The following NDUFA12 variants were observed in gnomAD, a reference collection of about 807,000 sequenced individuals.
The protein encoded by NDUFA12 is NADH:ubiquinone oxidoreductase subunit A12, also known as NADH dehydrogenase [ubiquinone] 1 alpha subcomplex subunit 12.
NDUFA12 carries 17 observed loss-of-function variants against 20.3 expected under a neutral mutation model. The ratio of observed to expected loss-of-function variants is 0.84; its 90% CI spans 0.57 to 1.26. NDUFA12 has a LOEUF of 1.26. NDUFA12 is among the 50% of genes most tolerant of loss of function. The probability of loss-of-function intolerance (pLI) is 0.00; values close to 1 mark genes in which losing one functional copy is unlikely to be tolerated. For missense variants in NDUFA12, 191 were observed against 183.7 expected, an observed-to-expected ratio of 1.04 and a Z score of -0.23; for synonymous variants, 72 against 63.6, an observed-to-expected ratio of 1.13 and a Z score of -0.63.
intron 2 of NDUFA12, among the ~76,000 whole-genome samples, chr12:94,996,201 G>A (rs117758434): frequency 6.6e-6 from 1 of 152,090 alleles, no homozygotes; most frequent in Non-Finnish European, 1.5e-5. Flanking sequence ...GAGAGACCCT[G>A]TCTCGAAATA....
chr12:94,985,577 A>T (rs567929766), intron 3 of NDUFA12, among the ~76,000 whole-genome samples: 3 of 143,236 alleles, frequency 2.1e-5, no homozygotes, highest in Non-Finnish European at 4.6e-5. Flanking sequence ...CAGTGAGCTG[A>T]GATCACGCCA....
intron 3 of NDUFA12, among the ~76,000 whole-genome samples, chr12:94,978,321 A>G (rs1454809291): frequency 6.6e-6 from 1 of 152,188 alleles, no homozygotes; most frequent in East Asian, 1.9e-4. Flanking sequence ...GGCAAGAGAT[A>G]ATTGTGCCTT....
At position 95,002,459 on chromosome 12, in the gene NDUFA12, A is replaced by G. The variant is rs1279679653; in HGVS notation, c.169+280T>C. ...TCTCAAAAAAAAAAAAAAAAAAAAA[A>G]AAAAAGAACAAAAACACTTCAAAAT... On this transcript the variant is annotated intron_variant, in intron 2 of 3. Transcript: ENST00000327772. Among the ~76,000 whole-genome samples, 210 of 135,288 alleles carry G rather than the reference A, an allele frequency of 1.6e-3. 8 individuals are homozygous for G. The highest frequency in any genetic ancestry group is 3.2e-3 in the East Asian group (14 of 4,354). 88.8% of individuals were successfully genotyped at this position (135,288 alleles called of 152,430 possible).
intron 3 of NDUFA12, among the ~76,000 whole-genome samples, chr12:94,972,701 A>T (rs1054239956): frequency 1.3e-5 from 2 of 152,170 alleles, no homozygotes; most frequent in African/African-American, 4.8e-5. Context: ...CTGTCTTGAG[A>T]AAAAAGTTAA....
intron 3 of NDUFA12, among the ~76,000 whole-genome samples, chr12:94,987,046 T>G (rs1254262282): frequency 6.6e-6 from 1 of 152,154 alleles, no homozygotes; most frequent in East Asian, 1.9e-4. Flanking sequence ...CTAATTAATT[T>G]CAAAGGGAAA....
At chr12:94,989,554 C>A (rs1874566578) in intron 3 of NDUFA12, among the ~76,000 whole-genome samples, 1 of 152,128 alleles carries the variant, frequency 6.6e-6, no homozygotes, top group Non-Finnish European at 1.5e-5. Flanking sequence ...ACCATTTCTC[C>A]CTAAAAAGAT....
intron 1 of NDUFA12, 45 bp downstream of exon 1, chr12:95,003,550 G>T (rs1592708505): frequency 1.3e-6 from 2 of 1,595,080 alleles, no homozygotes; most frequent in Middle Eastern, 1.7e-4. Context: ...ATCAGCCAGC[G>T]AAAGTCCAGC....
At position 94,992,086 on chromosome 12, in the gene NDUFA12, T is replaced by C. The variant is rs780353576; in HGVS notation, c.257+2084A>G. 3.9e-5 allele frequency among the ~76,000 whole-genome samples: 6 copies of C among 152,348 alleles called. No individual in the cohort carries two copies. In the East Asian group the frequency reaches 1.2e-3, roughly 29 times the overall value. On this transcript the variant is annotated intron_variant, in intron 3 of 3. Coordinates refer to ENST00000327772, the MANE Select transcript of NDUFA12 (RefSeq NM_018838.5). The stretch of plus-strand genomic sequence containing the variant: ...ATAAAATGTCACAGCCCACCAGATA[T>C]ACTTATTTCTAGTTTTTGGGTGAAA...
Position 95,003,673 on chromosome 12 carries a change from A to C in NDUFA12, c.8T>G (p.Leu3Ter). The change falls in exon 1 of 4, where the codon TTA becomes TGA. Residue 3 changes from leucine (L) to a stop codon, truncating the protein, a stop_gained. Coordinates refer to ENST00000327772, the MANE Select transcript of NDUFA12 (RefSeq NM_018838.5). LOFTEE classifies it high-confidence loss of function. ...CAGCCCGCGTTTCAGGACCTGCACT[A>C]ACTCCATCTTGCCTCGCTGGCCCCG... is the stretch of plus-strand genomic sequence containing the variant. ME[L>*]VQVLKRGLQQ... 1 of 1,613,944 alleles carries C rather than the reference A, an allele frequency of 6.2e-7. No individual in the cohort carries two copies. Among genetic ancestry groups the C allele is most frequent in the Non-Finnish European group, 8.5e-7 (1 of 1,180,008 alleles).
At chr12:94,996,324 T>TGTAC (rs1555201250) in intron 2 of NDUFA12, among the ~76,000 whole-genome samples, 1 of 141,184 alleles carries the variant, frequency 7.1e-6, no homozygotes, top group South Asian at 2.4e-4. Context: ...CATATATAGG[T>TGTAC]ACACACACAC....
intron 2 of NDUFA12, among the ~76,000 whole-genome samples, chr12:95,001,382 G>A (rs1473905374): frequency 6.6e-6 from 1 of 152,058 alleles, no homozygotes; most frequent in Non-Finnish European, 1.5e-5. Context: ...CACTTTGGGA[G>A]GCTGAGGTGG....
At chr12:94,980,335 A>T (rs1310633306) in intron 3 of NDUFA12, among the ~76,000 whole-genome samples, 1 of 152,162 alleles carries the variant, frequency 6.6e-6, no homozygotes, top group African/African-American at 2.4e-5. Flanking sequence ...TGGTCCCAGC[A>T]TTATGGTACC....
In NDUFA12 at chr12:94,981,392, A is replaced by G. The variant is rs186740742; in HGVS notation, c.258-9772T>C. On this transcript the variant is annotated intron_variant, in intron 3 of 3. Transcript: ENST00000327772. ...GAGCCCAGGAGGTCGAGGCTGCAGT[A>G]AGCCAAGATCGCACCACTGAACTCC... Among the ~76,000 whole-genome samples, 469 of 152,302 alleles carry G rather than the reference A, an allele frequency of 3.1e-3. 2 individuals carry two copies. The highest frequency in any genetic ancestry group is 9.0e-3 in the Admixed American group (137 of 15,294).
chr12:94,977,039 A>G (rs1874082790), intron 3 of NDUFA12, among the ~76,000 whole-genome samples: 1 of 152,250 alleles, frequency 6.6e-6, no homozygotes, highest in Non-Finnish European at 1.5e-5. Flanking sequence ...TCTGTAACAT[A>G]AGAGAAACTA....
intron 2 of NDUFA12, 133 bp downstream of exon 2, chr12:95,002,606 T>C: frequency 1.4e-6 from 1 of 727,236 alleles, no homozygotes; most frequent in South Asian, 1.6e-5. Flanking sequence ...TAAATTATCT[T>C]TTTTCATTTT....
At chr12:94,974,280 A>G (rs1007288262) in intron 3 of NDUFA12, among the ~76,000 whole-genome samples, 1 of 152,088 alleles carries the variant, frequency 6.6e-6, no homozygotes, top group Admixed American at 6.6e-5. Flanking sequence ...GAGCAGTAAA[A>G]AAAACCTACA....
intron 3 of NDUFA12, among the ~76,000 whole-genome samples, chr12:94,987,838 C>G (rs1874500869): frequency 7.2e-6 from 1 of 139,768 alleles, no homozygotes; most frequent in African/African-American, 2.6e-5. Flanking sequence ...ACAGCAGGCA[C>G]AAGAATAATA....
At chr12:95,001,717 T>C (rs1368755459) in intron 2 of NDUFA12, among the ~76,000 whole-genome samples, 2 of 152,182 alleles carry the variant, frequency 1.3e-5, no homozygotes, top group African/African-American at 4.8e-5. Context: ...GAATTAATTC[T>C]TTTTTGAGAT....
chr12:94,977,216 G>T (rs949316051), intron 3 of NDUFA12, among the ~76,000 whole-genome samples: 1 of 152,132 alleles, frequency 6.6e-6, no homozygotes, highest in Admixed American at 6.6e-5. Flanking sequence ...ACTGTAACAG[G>T]CTAGGCACAG....
Sources: allele counts gnomAD v4.1 joint callset (sites outside exome capture counted in the v4.1 genomes callset), GRCh38; gene constraint gnomAD v4.1.1; transcripts MANE v1.5; gene names NCBI Gene and HGNC (gene_info 2026-07-23, HGNC 2026-07-21).